SEMA6D: variants seen among roughly 807,000 people sequenced by gnomAD.
SEMA6D encodes the protein semaphorin 6D, also known as semaphorin-6D.
A neutral mutation model predicts 106.6 loss-of-function variants in SEMA6D; 35 were observed. The ratio of observed to expected loss-of-function variants is 0.33; its 90% CI spans 0.25 to 0.44. The LOEUF is 0.44. Among genes scored for constraint, SEMA6D ranks in the 20% least tolerant of loss-of-function variants. The pLI is 1.00. For missense variants in SEMA6D, 1,185 were observed against 1,345.9 expected, an observed-to-expected ratio of 0.88 and a Z score of 1.87; for synonymous variants, 499 against 487.7, an observed-to-expected ratio of 1.02 and a Z score of -0.31.
At chr15:47,461,547 A>G (rs534758317) in intron 2 of SEMA6D, among the ~76,000 whole-genome samples, 15 of 152,242 alleles carry the variant, frequency 9.9e-5, no homozygotes, top group African/African-American at 3.6e-4. Context: ...TACACATAGC[A>G]TAGAACAGTA....
At chr15:47,685,719 G>T (rs899386112) in intron 4 of SEMA6D, among the ~76,000 whole-genome samples, 4 of 152,150 alleles carry the variant, frequency 2.6e-5, no homozygotes, top group Admixed American at 1.3e-4. Flanking sequence ...AGCTATGGTA[G>T]AACATGTGAA....
intron 4 of SEMA6D, among the ~76,000 whole-genome samples, chr15:47,641,987 G>C (rs1412402547): frequency 6.6e-6 from 1 of 152,138 alleles, no homozygotes; most frequent in Non-Finnish European, 1.5e-5. Context: ...CTAGCCTTGA[G>C]GGTTGTATCT....
chr15:47,695,121 G>A (rs1408310920), intron 4 of SEMA6D, among the ~76,000 whole-genome samples: 4 of 152,184 alleles, frequency 2.6e-5, no homozygotes, highest in African/African-American at 9.7e-5. Context: ...ATGCTTGTTG[G>A]TGGGCCCACT....
chr15:47,355,818 T>C (rs940613804), intron 1 of SEMA6D, among the ~76,000 whole-genome samples: 23 of 152,342 alleles, frequency 1.5e-4, no homozygotes, highest in Admixed American at 5.2e-4. Flanking sequence ...TAGAAGGGCA[T>C]GTAAATTAGA....
At chr15:47,403,360 C>T (rs1323157616) in intron 1 of SEMA6D, among the ~76,000 whole-genome samples, 1 of 152,154 alleles carries the variant, frequency 6.6e-6, no homozygotes, top group African/African-American at 2.4e-5. Flanking sequence ...AAACAGTGCA[C>T]ACATCCTAGT....
At chr15:47,505,984 GTAA>G (rs1245111676) in intron 3 of SEMA6D, among the ~76,000 whole-genome samples, 2 of 152,100 alleles carry the variant, frequency 1.3e-5, no homozygotes, top group Non-Finnish European at 2.9e-5. Flanking sequence ...GGTGGAGGTG[GTAA>G]TAATGCATTG....
chr15:47,200,139 A>G (rs1894627207), intron 1 of SEMA6D, among the ~76,000 whole-genome samples: 1 of 152,148 alleles, frequency 6.6e-6, no homozygotes, highest in South Asian at 2.1e-4. Context: ...GGAACACTGA[A>G]GATTATCTGT....
intron 1 of SEMA6D, among the ~76,000 whole-genome samples, chr15:47,297,043 A>G (rs554801390): frequency 1.9e-4 from 29 of 152,304 alleles, no homozygotes; most frequent in African/African-American, 6.5e-4. Flanking sequence ...AAAATGAATC[A>G]TCAGAGAGAG....
chr15:47,302,519 T>C (rs1028248326), intron 1 of SEMA6D, among the ~76,000 whole-genome samples: 4 of 152,184 alleles, frequency 2.6e-5, no homozygotes, highest in African/African-American at 9.6e-5. Flanking sequence ...TGAGGGACTT[T>C]GCAGATGTGA....
chr15:47,292,672 A>G (rs1325459854), intron 1 of SEMA6D, among the ~76,000 whole-genome samples: 6 of 152,166 alleles, frequency 3.9e-5, no homozygotes, highest in East Asian at 1.9e-4. Flanking sequence ...TAAACGTGAT[A>G]AGGGCAAACG....
intron 2 of SEMA6D, among the ~76,000 whole-genome samples, chr15:47,424,590 C>A (rs1463356767): frequency 6.6e-6 from 1 of 151,956 alleles, no homozygotes; most frequent in Non-Finnish European, 1.5e-5. Context: ...TCCATTCATC[C>A]CCCAACAATG....
intron 1 of SEMA6D, among the ~76,000 whole-genome samples, chr15:47,323,313 A>G (rs1327141050): frequency 3.3e-5 from 5 of 152,138 alleles, no homozygotes; most frequent in African/African-American, 1.2e-4. Flanking sequence ...TTATCCTGCT[A>G]TCAAGAGGTC....
chr15:47,259,746 G>C (rs2033981012), intron 1 of SEMA6D, among the ~76,000 whole-genome samples: 1 of 152,100 alleles, frequency 6.6e-6, no homozygotes, highest in African/African-American at 2.4e-5. Context: ...GTTTTCAGCT[G>C]CAATATGTGC....
rs556584018 is a variant in SEMA6D at position 47,632,984 on chromosome 15, G to C, written c.-55+32088G>C. 6.6e-5 allele frequency among the ~76,000 whole-genome samples: 10 copies of C among 151,978 alleles called. No homozygotes were observed. The South Asian group carries it at 2.1e-3, about 32-fold the overall frequency. On this transcript the variant is annotated intron_variant, in intron 4 of 19. Transcript: ENST00000558014. ...ATATATAACTTATCATAGTCTACTG[G>C]TATCAGTGTTTTACCACTTCAAGTG...
intron 2 of SEMA6D, among the ~76,000 whole-genome samples, chr15:47,468,346 G>T (rs2042726300): frequency 6.6e-6 from 1 of 152,192 alleles, no homozygotes; most frequent in Non-Finnish European, 1.5e-5. Context: ...TGCAATCGAA[G>T]AAGTGGTAAA....
At chr15:47,584,849 A>G (rs1007356117) in intron 3 of SEMA6D, among the ~76,000 whole-genome samples, 1 of 152,162 alleles carries the variant, frequency 6.6e-6, no homozygotes, top group African/African-American at 2.4e-5. Flanking sequence ...AAACCAGACC[A>G]TGCTTCTCTT....
At position 47,488,482 on chromosome 15, in the gene SEMA6D, A is replaced by AG. The variant is rs2043365079; in HGVS notation, c.-87+17937_-87+17938insG. 3.9e-5 allele frequency among the ~76,000 whole-genome samples: 6 copies of AG among 152,026 alleles called. No individual in the cohort carries two copies. The South Asian group carries it at 1.2e-3, about 31-fold the overall frequency. On this transcript the variant is annotated intron_variant, in intron 3 of 19. Coordinates refer to the SEMA6D transcript ENST00000558014. ...ACAGTTAGATCTCATTTTTGAAAAA[A>AG]AAAACTGCATGAGATTCCATAGTAC...
chr15:47,662,959 T>C (rs1402772554), intron 4 of SEMA6D, among the ~76,000 whole-genome samples: 1 of 151,936 alleles, frequency 6.6e-6, no homozygotes, highest in East Asian at 1.9e-4. Flanking sequence ...GCATAACAAA[T>C]AGTTTAGCCA....
intron 2 of SEMA6D, among the ~76,000 whole-genome samples, chr15:47,449,403 AG>A (rs2042121497): frequency 6.6e-6 from 1 of 152,076 alleles, no homozygotes; most frequent in Admixed American, 6.6e-5. Context: ...TGACTGGAGA[AG>A]GGGTTACAGG....
Sources: allele counts gnomAD v4.1 joint callset (sites outside exome capture counted in the v4.1 genomes callset), GRCh38; gene constraint gnomAD v4.1.1; transcripts MANE v1.5; gene names NCBI Gene and HGNC (gene_info 2026-07-23, HGNC 2026-07-21).